SLC71A1: variants seen among roughly 807,000 people sequenced by gnomAD.
The protein encoded by SLC71A1 is hippocampus abundant gene transcript 1.
the SLC71A1 span, among the ~76,000 whole-genome samples, chr1:100,045,544 G>T: frequency 6.6e-6 from 1 of 151,922 alleles, no homozygotes; most frequent in Non-Finnish European, 1.5e-5. Context: ...ATTACTATGG[G>T]TACAAAGTAG....
At chr1:100,056,985 A>T in the SLC71A1 span, among the ~76,000 whole-genome samples, 1 of 152,166 alleles carries the variant, frequency 6.6e-6, no homozygotes, top group Admixed American at 6.5e-5. Flanking sequence ...GTCTATTCAG[A>T]TCTTTTGCCC....
At chr1:100,038,243 GGAA>G in the SLC71A1 span, 7 of 1,558,238 alleles carry the variant, frequency 4.5e-6, no homozygotes, top group East Asian at 4.8e-5. Context: ...ATGACCCAGG[GGAA>G]GAAGAAGAAA....
chr1:100,061,705 A>C, the SLC71A1 span: 4 of 652,350 alleles, frequency 6.1e-6, no homozygotes, highest in South Asian at 7.4e-5. Flanking sequence ...GGAATAGTTA[A>C]TCCATGAACT....
the SLC71A1 span, among the ~76,000 whole-genome samples, chr1:100,053,035 C>G: frequency 1.3e-5 from 2 of 152,102 alleles, no homozygotes; most frequent in African/African-American, 4.8e-5. Context: ...CCGCCTGCCT[C>G]GGCCTCCCAG....
chr1:100,077,063 A>C, the SLC71A1 span: 2 of 619,152 alleles, frequency 3.2e-6, no homozygotes, highest in East Asian at 5.8e-5. Context: ...GCTGAAAATC[A>C]GCCAAATTGT....
At chr1:100,039,233 G>C in the SLC71A1 span, among the ~76,000 whole-genome samples, 3 of 151,836 alleles carry the variant, frequency 2.0e-5, no homozygotes, top group African/African-American at 4.8e-5. Flanking sequence ...TTCTGAAATA[G>C]AATGGAAAGG....
chr1:100,060,979 A>G, the SLC71A1 span, among the ~76,000 whole-genome samples: 9 of 152,186 alleles, frequency 5.9e-5, no homozygotes, highest in Admixed American at 5.9e-4. Context: ...TTCTTCTTGT[A>G]GATGAGATAC....
chr1:100,058,406 T>C, the SLC71A1 span, among the ~76,000 whole-genome samples: 2 of 152,200 alleles, frequency 1.3e-5, no homozygotes, highest in African/African-American at 4.8e-5. Context: ...ATGTTTAACC[T>C]CTGCATATCA....
the SLC71A1 span, among the ~76,000 whole-genome samples, chr1:100,074,866 C>G: frequency 6.6e-6 from 1 of 152,108 alleles, no homozygotes; most frequent in Non-Finnish European, 1.5e-5. Context: ...CAGAGCGAGA[C>G]TCCGTCTCAA....
chr1:100,076,505 A>G, the SLC71A1 span, among the ~76,000 whole-genome samples: 1 of 152,228 alleles, frequency 6.6e-6, no homozygotes, highest in South Asian at 2.1e-4. Context: ...TTATGTAAAT[A>G]TATCTCATTT....
At chr1:100,050,129 C>A in the SLC71A1 span, 1 of 554,942 alleles carries the variant, frequency 1.8e-6, no homozygotes, top group Admixed American at 3.5e-5. Flanking sequence ...CAGTATTCAC[C>A]AGTATTTTAC....
chr1:100,056,561 G>C, the SLC71A1 span, among the ~76,000 whole-genome samples: 7 of 152,160 alleles, frequency 4.6e-5, no homozygotes, highest in African/African-American at 1.7e-4. Flanking sequence ...AGTGAGCCAA[G>C]ATTGCACCAT....
At chr1:100,053,615 T>C in the SLC71A1 span, among the ~76,000 whole-genome samples, 2 of 152,198 alleles carry the variant, frequency 1.3e-5, no homozygotes, top group African/African-American at 4.8e-5. Context: ...TTTAGACATA[T>C]TAATTTTGAA....
chr1:100,038,464 C>G, the SLC71A1 span: 10 of 677,708 alleles, frequency 1.5e-5, no homozygotes, highest in Non-Finnish European at 2.6e-5. Flanking sequence ...GGTCGCGGAC[C>G]CGCATGCCGC....
chr1:100,058,910 T>G, the SLC71A1 span, among the ~76,000 whole-genome samples: 1 of 152,208 alleles, frequency 6.6e-6, no homozygotes, highest in African/African-American at 2.4e-5. Context: ...TTTCTAGACT[T>G]GAGTTTTAAA....
At chr1:100,038,641 G>A in the SLC71A1 span, among the ~76,000 whole-genome samples, 3 of 151,878 alleles carry the variant, frequency 2.0e-5, no homozygotes, top group African/African-American at 7.2e-5. Context: ...TCCCCCGGCG[G>A]CCCGCCCGCC....
chr1:100,046,620 G>A, the SLC71A1 span, among the ~76,000 whole-genome samples: 2 of 152,138 alleles, frequency 1.3e-5, no homozygotes, highest in Non-Finnish European at 2.9e-5. Context: ...AATTCTGTGA[G>A]GAATGTCATT....
the SLC71A1 span, chr1:100,042,995 G>A: frequency 1.7e-6 from 1 of 592,246 alleles, no homozygotes; most frequent in Non-Finnish European, 2.1e-6. Context: ...TAATTACTTA[G>A]CTCCTTACCT....
chr1:100,045,722 A>AT, the SLC71A1 span, among the ~76,000 whole-genome samples: 1 of 151,826 alleles, frequency 6.6e-6, no homozygotes, highest in Non-Finnish European at 1.5e-5. Flanking sequence ...TTTATTTTTT[A>AT]TTTTTTGAGA....
Sources: allele counts gnomAD v4.1 joint callset (sites outside exome capture counted in the v4.1 genomes callset), GRCh38; gene constraint gnomAD v4.1.1; transcripts MANE v1.5; gene names NCBI Gene and HGNC (gene_info 2026-07-23, HGNC 2026-07-21).